The following GRAMD2B variants were observed in gnomAD, a reference collection of about 807,000 sequenced individuals.
GRAMD2B encodes the protein GRAM domain containing 2B, also known as GRAM domain-containing protein 2B.
A neutral mutation model predicts 59.2 loss-of-function variants in GRAMD2B; 41 were observed. The observed-to-expected ratio is 0.69, with a 90% confidence interval of 0.54 to 0.90. GRAMD2B has a LOEUF of 0.90. Ranked by LOEUF, GRAMD2B falls within the 40% of genes least tolerant of loss-of-function variation. The pLI, the probability that GRAMD2B is intolerant of heterozygous loss-of-function variation, is 0.00. For missense variants in GRAMD2B, 424 were observed against 500.5 expected (o/e 0.85, Z 1.46); for synonymous variants, 161 against 182.7 (o/e 0.88, Z 0.96).
intron 1 of GRAMD2B, among the ~76,000 whole-genome samples, chr5:126,374,922 A>G (rs553104327): frequency 1.3e-5 from 2 of 152,324 alleles, no homozygotes; most frequent in African/African-American, 4.8e-5. Flanking sequence ...TTGTTCTTCC[A>G]CTTAAATTTT....
chr5:126,483,667 G>GA (rs1284070600), intron 9 of GRAMD2B, 93 bp downstream of exon 9: 25 of 663,554 alleles, frequency 3.8e-5, no homozygotes, highest in South Asian at 2.1e-5. Context: ...AGAAAAGAAA[G>GA]AAAAAAACCC....
rs1187422015 is a variant in GRAMD2B, at chr5:126,360,395, CT to C, written c.66del (p.Met23CysfsTer12). The C allele has an allele frequency of 6.4e-7, 1 of 1,551,238 alleles. No individual in the cohort carries two copies. The highest frequency in any genetic ancestry group is 8.7e-7 in the Non-Finnish European group (1 of 1,146,750). ...CATTCAGCAAACATTCCAAGCACAG[CT>C]TATGCCCTGGAAGAGTATGTTCCAC... On this transcript the variant is annotated frameshift_variant, in exon 1 of 14. Coordinates refer to the GRAMD2B transcript ENST00000513040. LOFTEE classifies it high-confidence loss of function.
At chr5:126,370,207 A>G (rs550360910), upstream of GRAMD2B, among the ~76,000 whole-genome samples, 40 of 152,334 alleles carry the variant, frequency 2.6e-4, no homozygotes, top group South Asian at 6.0e-3. Context: ...GTCCAAAATA[A>G]TGTAATATCA....
intron 1 of GRAMD2B, among the ~76,000 whole-genome samples, chr5:126,431,334 A>G (rs941271073): frequency 6.6e-6 from 1 of 152,200 alleles, no homozygotes; most frequent in African/African-American, 2.4e-5. Context: ...ACTCTCAAAT[A>G]CTATTTTTTC....
At chr5:126,490,266 C>T (rs1773674783) in intron 13 of GRAMD2B, 1 of 152,082 alleles carries the variant, frequency 6.6e-6, no homozygotes, top group Non-Finnish European at 1.5e-5. Flanking sequence ...CAATTTTGTT[C>T]ACTCTTACAT....
At chr5:126,426,713 G>T (rs989634280) in intron 1 of GRAMD2B, among the ~76,000 whole-genome samples, 1 of 152,132 alleles carries the variant, frequency 6.6e-6, no homozygotes, top group Non-Finnish European at 1.5e-5. Flanking sequence ...ACTGTAATAC[G>T]CTTGTAGCTG....
At chr5:126,466,351 C>A in intron 2 of GRAMD2B, 1 of 1,141,274 alleles carries the variant, frequency 8.8e-7, no homozygotes, top group Non-Finnish European at 1.3e-6. Flanking sequence ...GTCTTAACTC[C>A]TCCCGAAATT....
intron 2 of GRAMD2B, chr5:126,466,427 C>A: frequency 1.4e-6 from 1 of 700,178 alleles, no homozygotes; most frequent in East Asian, 2.7e-5. Context: ...TGTGGCATCT[C>A]ACCTTTTTTT....
upstream of GRAMD2B, among the ~76,000 whole-genome samples, chr5:126,422,134 A>G (rs896520457): frequency 6.6e-6 from 1 of 152,200 alleles, no homozygotes; most frequent in African/African-American, 2.4e-5. Flanking sequence ...AGCCCAGAAC[A>G]GCTGTGAATA....
At chr5:126,365,419 TA>T (rs564027331) in intron 1 of GRAMD2B, among the ~76,000 whole-genome samples, 2 of 152,212 alleles carry the variant, frequency 1.3e-5, no homozygotes, top group Non-Finnish European at 2.9e-5. Context: ...GAATATGCAA[TA>T]ACCACTATGC....
At chr5:126,389,389 A>G (rs1331959030) in intron 1 of GRAMD2B, among the ~76,000 whole-genome samples, 4 of 152,126 alleles carry the variant, frequency 2.6e-5, no homozygotes, top group African/African-American at 9.7e-5. Context: ...TCCCGCTGTC[A>G]TTCTTCCGTG....
intron 3 of GRAMD2B, among the ~76,000 whole-genome samples, chr5:126,471,188 C>T (rs1291247285): frequency 1.3e-5 from 2 of 152,158 alleles, no homozygotes; most frequent in African/African-American, 2.4e-5. Flanking sequence ...CATCCAGGGC[C>T]TCCTACCCAT....
chr5:126,479,798 GA>G (rs1054258763), intron 6 of GRAMD2B, among the ~76,000 whole-genome samples: 8 of 152,064 alleles, frequency 5.3e-5, no homozygotes, highest in African/African-American at 1.7e-4. Flanking sequence ...TAAATAGATG[GA>G]AAAAAAGTAA....
chr5:126,431,958 G>A (rs1466455931), intron 1 of GRAMD2B, among the ~76,000 whole-genome samples: 2 of 152,082 alleles, frequency 1.3e-5, no homozygotes, highest in African/African-American at 4.8e-5. Flanking sequence ...TCAAGACAGG[G>A]TCTCATTCTA....
chr5:126,402,361 G>A (rs1420503751), intron 1 of GRAMD2B, among the ~76,000 whole-genome samples: 1 of 152,022 alleles, frequency 6.6e-6, no homozygotes, highest in Non-Finnish European at 1.5e-5. Context: ...AACACTTAAG[G>A]CTAATGAACC....
intron 1 of GRAMD2B, among the ~76,000 whole-genome samples, chr5:126,396,777 A>C (rs1319663627): frequency 6.6e-6 from 1 of 152,180 alleles, no homozygotes; most frequent in Non-Finnish European, 1.5e-5. Flanking sequence ...GGTTGAACTA[A>C]TTTACACTAC....
intron 1 of GRAMD2B, among the ~76,000 whole-genome samples, chr5:126,378,771 G>C (rs1755415721): frequency 6.6e-6 from 1 of 152,062 alleles, no homozygotes; most frequent in African/African-American, 2.4e-5. Flanking sequence ...TGGAAATTTT[G>C]AAAATATTGG....
chr5:126,459,447 T>C (rs1182400910), intron 1 of GRAMD2B, among the ~76,000 whole-genome samples: 2 of 152,346 alleles, frequency 1.3e-5, no homozygotes, highest in East Asian at 3.9e-4. Context: ...TTATTTATTT[T>C]AAAAGTCAAC....
chr5:126,489,192 G>A (rs550987723), intron 13 of GRAMD2B, among the ~76,000 whole-genome samples: 13 of 152,254 alleles, frequency 8.5e-5, no homozygotes, highest in African/African-American at 3.1e-4. Flanking sequence ...TACTGACATC[G>A]GAGCTTAATG....
Sources: allele counts gnomAD v4.1 joint callset (sites outside exome capture counted in the v4.1 genomes callset), GRCh38; gene constraint gnomAD v4.1.1; transcripts MANE v1.5; gene names NCBI Gene and HGNC (gene_info 2026-07-23, HGNC 2026-07-21).